The following MEIKIN variants were observed in gnomAD, a reference collection of about 807,000 sequenced individuals.
MEIKIN encodes meiosis-specific kinetochore protein.
intron 11 of MEIKIN, among the ~76,000 whole-genome samples, chr5:131,834,218 T>C (rs1017059811): frequency 2.0e-5 from 3 of 152,206 alleles, no homozygotes; most frequent in African/African-American, 7.2e-5. Flanking sequence ...TCAGGTATAA[T>C]TGACAAATAA....
chr5:131,813,282 C>T (rs1019520157), intron 12 of MEIKIN, among the ~76,000 whole-genome samples: 2 of 152,060 alleles, frequency 1.3e-5, no homozygotes, highest in African/African-American at 2.4e-5. Context: ...GCCTTAAAGT[C>T]GACAGTTAGA....
rs1263056005 is a variant in MEIKIN at position 131,828,474 on chromosome 5, T to C, written c.976-9611A>G. On this transcript the variant is annotated intron_variant, in intron 11 of 12. Transcript: ENST00000442687. ...CCACTGTGCCTGGCCTAATATAAGA[T>C]TTGGAAGATAAAATTGAGGAAATCT... Among the ~76,000 whole-genome samples the C allele has an allele frequency of 1.3e-5, 2 of 152,062 alleles. 1 individual carries two copies. The highest frequency in any genetic ancestry group is 2.9e-5 in the Non-Finnish European group (2 of 68,020).
At position 131,945,637 on chromosome 5, in the gene MEIKIN, T is replaced by C. The variant is rs1751953147; in HGVS notation, c.-132A>G. On this transcript the variant is annotated 5_prime_UTR_variant, in exon 1 of 13. Transcript: ENST00000442687. ...CGCGGAGCAGCCTCACAGCAACTAA[T>C]CGAGCGAAAGCAAAAGCCCCAGAAC... 1.8e-5 allele frequency: 7 copies of C among 395,806 alleles called. No homozygotes were observed. The highest frequency in any genetic ancestry group is 4.4e-5 in the Admixed American group (1 of 22,604). 24.5% of individuals were successfully genotyped at this position (395,806 alleles called of 1,614,324 possible).
At chr5:131,927,704 T>G (rs770949109) in intron 5 of MEIKIN, among the ~76,000 whole-genome samples, 2 of 152,238 alleles carry the variant, frequency 1.3e-5, no homozygotes, top group Non-Finnish European at 2.9e-5. Flanking sequence ...TTTATTATTA[T>G]TTTTGTTCTT....
At chr5:131,935,705 T>G (rs970223729) in intron 4 of MEIKIN, among the ~76,000 whole-genome samples, 3 of 152,174 alleles carry the variant, frequency 2.0e-5, no homozygotes, top group Non-Finnish European at 2.9e-5. Flanking sequence ...TGCTCATCCA[T>G]TACCTACTTG....
chr5:131,864,764 G>T (rs1418108920), intron 9 of MEIKIN, among the ~76,000 whole-genome samples: 1 of 152,170 alleles, frequency 6.6e-6, no homozygotes, highest in Non-Finnish European at 1.5e-5. Flanking sequence ...TAAATCTCTT[G>T]TTAGACTTGA....
chr5:131,823,780 G>A (rs1749562743), intron 11 of MEIKIN, among the ~76,000 whole-genome samples: 1 of 152,174 alleles, frequency 6.6e-6, no homozygotes, highest in South Asian at 2.1e-4. Context: ...TCAAGAATTA[G>A]GTATTTATTG....
chr5:131,856,930 G>A (rs1750203480), intron 9 of MEIKIN, among the ~76,000 whole-genome samples: 1 of 150,790 alleles, frequency 6.6e-6, no homozygotes, highest in African/African-American at 2.4e-5. Flanking sequence ...TACCTGCATT[G>A]CTTTCTTTTT....
chr5:131,944,824 A>G (rs1296318664), intron 2 of MEIKIN, 72 bp from the exon 3 acceptor site: 2 of 398,896 alleles, frequency 5.0e-6, no homozygotes, highest in African/African-American at 4.1e-5. Flanking sequence ...CAGACTCTTT[A>G]GAATCTGAAA....
At chr5:131,834,252 C>T (rs189997751) in intron 11 of MEIKIN, among the ~76,000 whole-genome samples, 10 of 152,190 alleles carry the variant, frequency 6.6e-5, no homozygotes, top group East Asian at 1.9e-4. Flanking sequence ...TCAAGGTGTA[C>T]GTGATTTGAT....
At chr5:131,836,459 C>G (rs1383548792) in intron 11 of MEIKIN, among the ~76,000 whole-genome samples, 1 of 152,086 alleles carries the variant, frequency 6.6e-6, no homozygotes, top group African/African-American at 2.4e-5. Flanking sequence ...TTTAGCTGTT[C>G]AAGAAATTGC....
At position 131,861,850 on chromosome 5, in the gene MEIKIN, T is replaced by C. The variant is rs575746744; in HGVS notation, c.775-7016A>G. ...TTTTGATGTGCTGTTGGATTTAGTT[T>C]GCCAGTATTTTGTTGAGGATTTTTG... On this transcript the variant is annotated intron_variant, in intron 9 of 12. Coordinates refer to ENST00000442687, the MANE Select transcript of MEIKIN (RefSeq NM_001303622.2). Among the ~76,000 whole-genome samples the C allele has an allele frequency of 2.9e-3, 436 of 152,346 alleles. 1 individual carries two copies. Among genetic ancestry groups the C allele is most frequent in the African/African-American group, 9.8e-3 (409 of 41,586 alleles).
intron 4 of MEIKIN, among the ~76,000 whole-genome samples, chr5:131,934,758 A>G (rs1751745413): frequency 6.6e-6 from 1 of 152,210 alleles, no homozygotes; most frequent in South Asian, 2.1e-4. Flanking sequence ...AAAAGAGACT[A>G]TTAAAAGACA....
At chr5:131,873,616 G>C (rs1006020080) in intron 9 of MEIKIN, among the ~76,000 whole-genome samples, 3 of 152,092 alleles carry the variant, frequency 2.0e-5, no homozygotes, top group Non-Finnish European at 2.9e-5. Context: ...CAAGGATACC[G>C]AGGAATTGAA....
chr5:131,825,999 T>G (rs2149604922), intron 11 of MEIKIN, among the ~76,000 whole-genome samples: 1 of 152,108 alleles, frequency 6.6e-6, no homozygotes, highest in South Asian at 2.1e-4. Context: ...AAAGGCAAAT[T>G]AAAGGCATTT....
At chr5:131,863,911 G>A (rs933310965) in intron 9 of MEIKIN, among the ~76,000 whole-genome samples, 7 of 151,990 alleles carry the variant, frequency 4.6e-5, no homozygotes, top group African/African-American at 7.3e-5. Context: ...GCTCCTCCTC[G>A]CCTTCTGCAT....
At chr5:131,901,132 C>T (rs961980919) in intron 8 of MEIKIN, among the ~76,000 whole-genome samples, 2 of 152,152 alleles carry the variant, frequency 1.3e-5, no homozygotes, top group African/African-American at 4.8e-5. Flanking sequence ...GACCAACAGA[C>T]CTACCCCACA....
chr5:131,872,008 C>G (rs1750512313), intron 9 of MEIKIN, among the ~76,000 whole-genome samples: 2 of 152,054 alleles, frequency 1.3e-5, no homozygotes, highest in Admixed American at 6.5e-5. Flanking sequence ...ACGTCACCAT[C>G]ATCAAAGACC....
At chr5:131,901,220 G>C (rs1751150703) in intron 8 of MEIKIN, among the ~76,000 whole-genome samples, 1 of 152,122 alleles carries the variant, frequency 6.6e-6, no homozygotes, top group East Asian at 1.9e-4. Flanking sequence ...CTCTGTCCCT[G>C]TGCTGACACT....
Sources: gnomAD v4.1 joint callset for allele counts (sites outside exome capture counted in the v4.1 genomes callset) on GRCh38, gnomAD v4.1.1 for gene constraint, MANE v1.5 for transcripts, NCBI Gene and HGNC (gene_info 2026-07-23, HGNC 2026-07-21) for gene names.